The following SNTG1 variants were observed in gnomAD, a reference collection of about 807,000 sequenced individuals.
SNTG1 encodes the protein syntrophin gamma 1, also known as gamma-1-syntrophin.
In SNTG1, 39 loss-of-function variants were observed where a neutral mutation model predicts 74.7. The ratio of observed to expected loss-of-function variants is 0.52; its 90% CI spans 0.40 to 0.68. The LOEUF is 0.68. Ranked by LOEUF, SNTG1 falls within the 30% of genes least tolerant of loss-of-function variation. The probability of loss-of-function intolerance (pLI) is 0.00; values close to 1 mark genes in which losing one functional copy is unlikely to be tolerated. For missense variants in SNTG1, 685 were observed against 609.5 expected (o/e 1.12, Z -1.30); for synonymous variants, 254 against 217.1 (o/e 1.17, Z -1.49).
chr8:50,491,585 G>C (rs1409940044), intron 8 of SNTG1: 1 of 152,260 alleles, frequency 6.6e-6, no homozygotes, highest in African/African-American at 2.4e-5. Context: ...ATCGGAGTAC[G>C]TGCGCAGCAG....
chr8:50,160,642 A>AACTC (rs1554592319), intron 1 of SNTG1, among the ~76,000 whole-genome samples: 1 of 151,746 alleles, frequency 6.6e-6, no homozygotes. Flanking sequence ...GTGATTTGTG[A>AACTC]TCTGAGTCAT....
intron 13 of SNTG1, among the ~76,000 whole-genome samples, chr8:50,599,945 C>T (rs1349684368): frequency 6.6e-6 from 1 of 152,054 alleles, no homozygotes. Flanking sequence ...TACCTTGGGT[C>T]TGTAATACAT....
At chr8:50,220,469 A>G (rs1412194444) in intron 2 of SNTG1, among the ~76,000 whole-genome samples, 1 of 152,212 alleles carries the variant, frequency 6.6e-6, no homozygotes, top group Non-Finnish European at 1.5e-5. Flanking sequence ...AAAGGAATAC[A>G]TGAGACTGGA....
rs1395656492 is a variant in SNTG1, at chr8:50,474,313, C to T, written c.363+23584C>T. Among the ~76,000 whole-genome samples, 6 of 151,516 alleles carry T rather than the reference C, an allele frequency of 4.0e-5. No homozygotes were observed. In the South Asian group the frequency reaches 1.3e-3, roughly 32 times the overall value. On this transcript the variant is annotated intron_variant, in intron 8 of 18. Transcript: ENST00000642720. The stretch of plus-strand genomic sequence containing the variant: ...AACCTACAAAATGGGAGAAAATTTT[C>T]TCAACCTACTCATCTGACAAAGGGC...
intron 1 of SNTG1, among the ~76,000 whole-genome samples, chr8:49,934,525 C>A (rs948828106): frequency 6.6e-6 from 1 of 151,842 alleles, no homozygotes; most frequent in Non-Finnish European, 1.5e-5. Context: ...AAGACTAATG[C>A]GAAAGTGGAA....
At chr8:50,368,971 T>A (rs1270302526) in intron 2 of SNTG1, among the ~76,000 whole-genome samples, 2 of 152,212 alleles carry the variant, frequency 1.3e-5, no homozygotes, top group African/African-American at 4.8e-5. Context: ...TGGCTCATGA[T>A]GAATTGTACC....
At chr8:50,410,346 T>G (rs1412606551) in intron 4 of SNTG1, among the ~76,000 whole-genome samples, 3 of 152,172 alleles carry the variant, frequency 2.0e-5, no homozygotes, top group Non-Finnish European at 2.9e-5. Context: ...GATTGGAGTC[T>G]GTGTACACAC....
At chr8:50,769,657 G>T (rs2095622338) in intron 18 of SNTG1, among the ~76,000 whole-genome samples, 1 of 151,948 alleles carries the variant, frequency 6.6e-6, no homozygotes, top group Admixed American at 6.6e-5. Flanking sequence ...GTCTCCTCAT[G>T]CCCCAAGTAA....
At chr8:50,455,827 A>G (rs563204997) in intron 8 of SNTG1, among the ~76,000 whole-genome samples, 45 of 152,328 alleles carry the variant, frequency 3.0e-4, no homozygotes, top group Admixed American at 1.1e-3. Flanking sequence ...TGAGGCACAA[A>G]TCATGTTTTA....
chr8:50,599,429 T>G (rs1375549531), intron 13 of SNTG1, among the ~76,000 whole-genome samples: 1 of 152,130 alleles, frequency 6.6e-6, no homozygotes, highest in African/African-American at 2.4e-5. Flanking sequence ...GGAATTGCAT[T>G]GAGTCTGTAG....
chr8:50,042,356 G>A (rs1818709924), intron 1 of SNTG1, among the ~76,000 whole-genome samples: 1 of 152,110 alleles, frequency 6.6e-6, no homozygotes, highest in African/African-American at 2.4e-5. Context: ...ATTCTTCACA[G>A]AGGAGGTTGA....
chr8:50,457,667 G>A (rs890480232), intron 8 of SNTG1, among the ~76,000 whole-genome samples: 1 of 152,152 alleles, frequency 6.6e-6, no homozygotes, highest in African/African-American at 2.4e-5. Context: ...AGACAAGACG[G>A]GGGGAATCCT....
intron 4 of SNTG1, among the ~76,000 whole-genome samples, chr8:50,427,990 T>C (rs2093185155): frequency 6.6e-6 from 1 of 152,138 alleles, no homozygotes; most frequent in Admixed American, 6.6e-5. Flanking sequence ...ACAGGGCTCC[T>C]CAGAGACATT....
At chr8:50,291,242 A>AAG (rs567146667) in intron 2 of SNTG1, among the ~76,000 whole-genome samples, 3 of 149,286 alleles carry the variant, frequency 2.0e-5, no homozygotes, top group East Asian at 2.0e-4. Context: ...AGACAGACAT[A>AAG]TGTGTGTGTG....
At chr8:50,272,639 T>C (rs1278140820) in intron 2 of SNTG1, among the ~76,000 whole-genome samples, 6 of 152,192 alleles carry the variant, frequency 3.9e-5, no homozygotes, top group African/African-American at 1.4e-4. Context: ...CCGTGGACTT[T>C]AAGCACTAGT....
intron 2 of SNTG1, among the ~76,000 whole-genome samples, chr8:50,304,047 C>G (rs1188454430): frequency 6.6e-6 from 1 of 152,106 alleles, no homozygotes; most frequent in Non-Finnish European, 1.5e-5. Flanking sequence ...CTCCAAAACT[C>G]ATGTTGAAAT....
intron 13 of SNTG1, among the ~76,000 whole-genome samples, chr8:50,626,167 T>C (rs76811250): frequency 1.3e-5 from 2 of 152,290 alleles, no homozygotes; most frequent in South Asian, 2.1e-4. Context: ...AGAATATATG[T>C]GCTGAACTTC....
chr8:50,181,421 A>G (rs953410320), intron 2 of SNTG1, among the ~76,000 whole-genome samples: 1 of 152,182 alleles, frequency 6.6e-6, no homozygotes, highest in Non-Finnish European at 1.5e-5. Flanking sequence ...TTATTCTCCA[A>G]AAACAACCAT....
chr8:50,788,848 CG>C (rs2095683356), intron 18 of SNTG1, among the ~76,000 whole-genome samples: 1 of 151,852 alleles, frequency 6.6e-6, no homozygotes, highest in Non-Finnish European at 1.5e-5. Flanking sequence ...TCATCTCCTG[CG>C]GCCTCAGATC....
Sources: allele counts gnomAD v4.1 joint callset (sites outside exome capture counted in the v4.1 genomes callset), GRCh38; gene constraint gnomAD v4.1.1; transcripts MANE v1.5; gene names NCBI Gene and HGNC (gene_info 2026-07-23, HGNC 2026-07-21).